Variants in ICA1 observed in about 807,000 individuals in gnomAD.
ICA1 encodes the protein islet cell autoantigen 1, also known as 69 kDa islet cell autoantigen.
Under a neutral mutation model 71.0 loss-of-function variants are expected in ICA1, and 40 were observed. The observed-to-expected ratio is 0.56, with a 90% CI of 0.44 to 0.73. The LOEUF is 0.73. Among genes scored for constraint, ICA1 ranks in the 30% least tolerant of loss-of-function variants. The pLI, the probability that ICA1 is intolerant of heterozygous loss-of-function variation, is 0.00. For missense variants in ICA1, 578 were observed against 576.5 expected, an observed-to-expected ratio of 1.00 and a Z score of -0.03; for synonymous variants, 207 against 209.5, an observed-to-expected ratio of 0.99 and a Z score of 0.10.
Position 8,114,054 on chromosome 7 carries a change from G to C in ICA1, c.1331-10C>G. 11 of 1,614,136 alleles carry C rather than the reference G, an allele frequency of 6.8e-6. No homozygotes were observed. Among genetic ancestry groups the C allele is most frequent in the Non-Finnish European group, 8.5e-6 (10 of 1,179,996 alleles). On this transcript the variant is annotated splice_polypyrimidine_tract_variant and intron_variant, in intron 13 of 13. Transcript: ENST00000402384. The stretch of plus-strand genomic sequence containing the variant: ...GCAGCCTTAGCAGGTTCTGGGGAGA[G>C]AAGAGGAAACATGAGCAAACGCACC...
chr7:8,121,391 T>C (rs1786868967), intron 13 of ICA1, among the ~76,000 whole-genome samples: 1 of 152,184 alleles, frequency 6.6e-6, no homozygotes, highest in African/African-American at 2.4e-5. Context: ...CCTGTTCCCA[T>C]GACAACCTAG....
At chr7:8,159,687 G>C (rs1237984340) in intron 6 of ICA1, among the ~76,000 whole-genome samples, 2 of 152,116 alleles carry the variant, frequency 1.3e-5, no homozygotes, top group Admixed American at 6.6e-5. Context: ...GTGACAGTGA[G>C]AGCCTGTCTC....
Position 8,113,973 on chromosome 7 carries a change from G to C in ICA1, c.1402C>G (p.Pro468Ala). The C allele has an allele frequency of 6.2e-7, 1 of 1,614,112 alleles. No homozygotes were observed. The highest frequency in any genetic ancestry group is 8.5e-7 in the Non-Finnish European group (1 of 1,180,016). Residue 468 changes from proline (P) to alanine (A), a missense_variant, in exon 14 of 14, where the codon CCT becomes GCT. Coordinates refer to ENST00000402384, the MANE Select transcript of ICA1 (RefSeq NM_001136020.3). This position sits in a 1 kb window ranked among gnomAD's most constrained non-coding sequence, Gnocchi z 4.2. ...LFADLDPLSN[P>A]DAVGKTDKEH... ...TTATCGGTTTTCCCAACAGCATCAG[G>C]ATTTGAGAGTGGGTCGAGGTCAGCG... is the stretch of plus-strand genomic sequence containing the variant.
chr7:8,173,531 C>G lies in ICA1; in HGVS notation c.580-14879G>C, dbSNP rs993789546. 7.2e-5 allele frequency among the ~76,000 whole-genome samples: 11 copies of G among 152,240 alleles called. No individual in the cohort carries two copies. Among genetic ancestry groups the G allele is most frequent in the African/African-American group, 2.6e-4 (11 of 41,546 alleles). ...CAATATTTTGACAAAGAAAAAGAAA[C>G]AAACATTTATCCTGCATATCCTATC... is the stretch of plus-strand genomic sequence containing the variant. On this transcript the variant is annotated intron_variant, in intron 6 of 13. Coordinates refer to ENST00000402384, the MANE Select transcript of ICA1 (RefSeq NM_001136020.3). This position sits in a 1 kb window ranked among gnomAD's most constrained non-coding sequence, Gnocchi z 4.0.
chr7:8,124,234 C>G (rs571067885), intron 13 of ICA1, among the ~76,000 whole-genome samples: 6 of 150,988 alleles, frequency 4.0e-5, no homozygotes, highest in African/African-American at 1.5e-4. Flanking sequence ...CATTCTCCTG[C>G]CTCAGCCTCC....
In ICA1 at chr7:8,128,130, G is replaced by A. The variant is rs777982679; in HGVS notation, c.1073C>T (p.Pro358Leu). The A allele has an allele frequency of 4.3e-6, 7 of 1,614,040 alleles. No homozygotes were observed. The South Asian group carries it at 4.4e-5, about 10-fold the overall frequency. The change falls in exon 13 of 14, where the codon CCA (proline) becomes CTA (leucine). Residue 358 changes from proline (P) to leucine (L), a missense_variant. Transcript: ENST00000402384. ...MKSEEGACLGPVAGTPEPEGA... is the reference protein window; with the variant it reads ...MKSEEGACLGLVAGTPEPEGA... ...TTCAGGTTCCGGGGTCCCTGCCACT[G>A]GTCCCAGGCAAGCTGATTGAAGTAA... is the stretch of plus-strand genomic sequence containing the variant.
Position 8,235,965 on chromosome 7 carries a change from G to A in ICA1, c.-39C>T, listed in dbSNP as rs775961601. On this transcript the variant is annotated 5_prime_UTR_variant, in exon 2 of 14. Coordinates refer to ENST00000402384, the MANE Select transcript of ICA1 (RefSeq NM_001136020.3). Reference sequence around the variant, plus strand: ...TCTATTGTTGATGATTTGGGGAGAAGGGGCAGGAAAAAAGCATGAGAGGAT... The same window carrying A: ...TCTATTGTTGATGATTTGGGGAGAAAGGGCAGGAAAAAAGCATGAGAGGAT... 2.5e-6 allele frequency: 4 copies of A among 1,606,332 alleles called. No homozygotes were observed. Among genetic ancestry groups the A allele is most frequent in the African/African-American group, 2.7e-5 (2 of 74,532 alleles).
intron 6 of ICA1, among the ~76,000 whole-genome samples, chr7:8,184,759 T>A (rs1783354316): frequency 6.6e-6 from 1 of 152,166 alleles, no homozygotes; most frequent in South Asian, 2.1e-4. Context: ...TTAACATTAT[T>A]TTGGACAAAA....
chr7:8,144,823 T>C lies in ICA1; in HGVS notation c.805-851A>G, dbSNP rs565549709. Among the ~76,000 whole-genome samples, 191 of 152,356 alleles carry C rather than the reference T, an allele frequency of 1.3e-3. No individual in the cohort carries two copies. The highest frequency in any genetic ancestry group is 4.5e-3 in the African/African-American group (188 of 41,582). On this transcript the variant is annotated intron_variant, in intron 8 of 13. Coordinates refer to ENST00000402384, the MANE Select transcript of ICA1 (RefSeq NM_001136020.3). This position sits in a 1 kb window ranked among gnomAD's most constrained non-coding sequence, Gnocchi z 4.5. ...TCTCAGGATACTTATCCTTCTTATA[T>C]TCTCAGAACTACTAAAATCCAAGTC...
chr7:8,221,188 A>G, intron 5 of ICA1, 87 bp downstream of exon 5: 1 of 1,548,196 alleles, frequency 6.5e-7, no homozygotes. Context: ...CCTTCTAAAG[A>G]ACACTGTGAG....
At chr7:8,233,439 A>G (rs7785777) in intron 2 of ICA1, among the ~76,000 whole-genome samples, 58,414 of 149,732 alleles carry the variant, frequency 0.39, 11,651 homozygotes, top group African/African-American at 0.45. Flanking sequence ...TGTTGCCCAG[A>G]CTGGAGTGCA....
At chr7:8,256,402 C>G (rs1203367487) in intron 1 of ICA1, among the ~76,000 whole-genome samples, 2 of 152,138 alleles carry the variant, frequency 1.3e-5, no homozygotes, top group Admixed American at 1.3e-4. Flanking sequence ...TCCGATAGAA[C>G]TATTCCCTCT....
intron 6 of ICA1, among the ~76,000 whole-genome samples, chr7:8,214,065 T>C (rs997964273): frequency 6.6e-6 from 1 of 152,230 alleles, no homozygotes; most frequent in Non-Finnish European, 1.5e-5. Flanking sequence ...CCGCTTGTCC[T>C]TGTCTATGAG....
chr7:8,119,932 T>C (rs1301022868), intron 13 of ICA1, among the ~76,000 whole-genome samples: 1 of 152,192 alleles, frequency 6.6e-6, no homozygotes, highest in African/African-American at 2.4e-5. Flanking sequence ...CAGATTCCTT[T>C]ATAGACAAAA....
intron 1 of ICA1, among the ~76,000 whole-genome samples, chr7:8,256,933 A>T (rs971713433): frequency 6.6e-6 from 1 of 152,224 alleles, no homozygotes; most frequent in African/African-American, 2.4e-5. Context: ...ATATCAACCC[A>T]TTTTGCAAGT....
intron 8 of ICA1, among the ~76,000 whole-genome samples, chr7:8,152,806 CCA>C (rs1799826587): frequency 6.6e-6 from 1 of 150,438 alleles, no homozygotes; most frequent in Admixed American, 6.6e-5. Flanking sequence ...TCCACCACCA[CCA>C]CCACCATCTC....
intron 6 of ICA1, among the ~76,000 whole-genome samples, chr7:8,197,115 A>T (rs1409955216): frequency 1.3e-5 from 2 of 152,042 alleles, no homozygotes; most frequent in African/African-American, 4.8e-5. Context: ...CATTTAAAAA[A>T]TGTCTTTGGG....
chr7:8,148,729 C>A (rs557171893), intron 8 of ICA1, among the ~76,000 whole-genome samples: 1 of 151,958 alleles, frequency 6.6e-6, no homozygotes, highest in African/African-American at 2.4e-5. Context: ...GTAGACCAAA[C>A]GAAGCTAAAT....
intron 6 of ICA1, among the ~76,000 whole-genome samples, chr7:8,186,398 G>T (rs1229073332): frequency 6.6e-6 from 1 of 152,182 alleles, no homozygotes; most frequent in Non-Finnish European, 1.5e-5. Flanking sequence ...TAGGGAAGGA[G>T]AGTGGGCTGG....
Sources: allele counts gnomAD v4.1 joint callset (sites outside exome capture counted in the v4.1 genomes callset), GRCh38; gene constraint gnomAD v4.1.1; non-coding constraint Gnocchi (gnomAD v3.1); transcripts MANE v1.5; gene names NCBI Gene and HGNC (gene_info 2026-07-23, HGNC 2026-07-21).